Variants in CIB3 observed in about 807,000 individuals in gnomAD.
CIB3 encodes calcium and integrin binding family member 3.
Under a neutral mutation model 23.4 loss-of-function variants are expected in CIB3, and 22 were observed. The ratio of observed to expected loss-of-function variants is 0.94; its 90% CI spans 0.67 to 1.34. The LOEUF (loss-of-function observed/expected upper bound fraction) is 1.34, where lower values mean the gene tolerates loss of function less well. CIB3 is among the 40% of genes most tolerant of loss of function. CIB3 has a pLI of 0.00. For missense variants in CIB3, 258 were observed against 247.3 expected (o/e 1.04, Z -0.29); for synonymous variants, 93 against 95.8 (o/e 0.97, Z 0.17).
At chr19:16,173,082 A>ACACACC in intron 2 of CIB3, 80 bp downstream of exon 2, 1 of 1,545,166 alleles carries the variant, frequency 6.5e-7, no homozygotes, top group Non-Finnish European at 8.9e-7. Flanking sequence ...ACACACACAC[A>ACACACC]CACCAAATTG....
chr19:16,173,023 AAAG>A, intron 2 of CIB3, 136 bp downstream of exon 2: 2 of 1,152,068 alleles, frequency 1.7e-6, no homozygotes, highest in African/African-American at 1.6e-5. Flanking sequence ...AAAGAGAAAG[AAAG>A]AAAGAAAGAC....
At chr19:16,172,962 AAAAGAAGG>A (rs2091334813) in intron 2 of CIB3, among the ~76,000 whole-genome samples, 192 bp downstream of exon 2, 1 of 120,840 alleles carries the variant, frequency 8.3e-6, no homozygotes, top group Non-Finnish European at 2.0e-5. Context: ...AAAAAAAAAG[AAAAGAAGG>A]AAGGAAGGAA....
At chr19:16,172,787 T>C (rs2091333936) in intron 2 of CIB3, among the ~76,000 whole-genome samples, 2 of 151,516 alleles carry the variant, frequency 1.3e-5, no homozygotes, top group African/African-American at 4.8e-5. Flanking sequence ...CCCATCTCTA[T>C]AAAAAAATAC....
intron 3 of CIB3, among the ~76,000 whole-genome samples, chr19:16,168,756 G>T (rs868818299): frequency 6.6e-6 from 1 of 152,072 alleles, no homozygotes; most frequent in Non-Finnish European, 1.5e-5. Context: ...GGGAGGAGCC[G>T]AGATATGGGG....
intron 5 of CIB3, among the ~76,000 whole-genome samples, chr19:16,162,482 C>T (rs554123063): frequency 8.6e-5 from 13 of 151,786 alleles, no homozygotes; most frequent in African/African-American, 2.9e-4. Flanking sequence ...CCGGGCATGA[C>T]GGCTCACGCC....
chr19:16,165,271 C>T (rs574792516), intron 4 of CIB3, among the ~76,000 whole-genome samples: 1 of 112,074 alleles, frequency 8.9e-6, no homozygotes, highest in African/African-American at 3.4e-5. Flanking sequence ...CCAGCCTGGG[C>T]AGCAAGACAG....
chr19:16,173,174 T>C lies in CIB3; in HGVS notation c.74A>G (p.Lys25Arg). ...TCCCTGGACTGACCTCATGATCTCC[T>C]TCCTTGTGAAAAATGTGCAGTCCTG... ...AYQDCTFFTR[K>R]EIMRLFYRYQ... Residue 25 changes from lysine to arginine, a missense_variant, in exon 2 of 6, where the codon AAG (lysine) becomes AGG (arginine). Lys to Arg is a conservative substitution (Grantham distance 26). Coordinates refer to ENST00000269878, the MANE Select transcript of CIB3 (RefSeq NM_054113.4). The C allele has an allele frequency of 6.2e-7, 1 of 1,613,768 alleles. No individual in the cohort carries two copies. Among genetic ancestry groups the C allele is most frequent in the African/African-American group, 1.3e-5 (1 of 74,922 alleles).
At chr19:16,170,337 G>A (rs1285379575) in intron 2 of CIB3, among the ~76,000 whole-genome samples, 1 of 152,170 alleles carries the variant, frequency 6.6e-6, no homozygotes, top group Non-Finnish European at 1.5e-5. Context: ...TTGGTTCTGG[G>A]CTTTGAAGCA....
intron 4 of CIB3, among the ~76,000 whole-genome samples, chr19:16,167,486 G>A (rs1478115365): frequency 6.6e-6 from 1 of 152,074 alleles, no homozygotes; most frequent in South Asian, 2.1e-4. Context: ...ATGGTGGGAT[G>A]GGGGGATGAA....
intron 5 of CIB3, among the ~76,000 whole-genome samples, 164 bp from the exon 6 acceptor site, chr19:16,161,650 C>G (rs2091285338): frequency 6.6e-6 from 1 of 150,698 alleles, no homozygotes; most frequent in Non-Finnish European, 1.5e-5. Context: ...GGGCTGAGAG[C>G]ACATGCCTTT....
intron 5 of CIB3, among the ~76,000 whole-genome samples, chr19:16,161,866 C>A (rs574255573): frequency 6.6e-6 from 1 of 151,552 alleles, no homozygotes; most frequent in East Asian, 1.9e-4. Context: ...TCAGTAGAAA[C>A]GGAGTTTCTC....
chr19:16,168,331 T>C, intron 3 of CIB3, 47 bp from the exon 4 acceptor site: 1 of 1,605,216 alleles, frequency 6.2e-7, no homozygotes, highest in Non-Finnish European at 8.5e-7. Context: ...ACCCCCAAGG[T>C]CTCTGGGGTC....
rs1333768116 is a variant in CIB3 at position 16,173,267 on chromosome 19, C to T, written c.52-71G>A. ...CTCCTCCCACGGCCTCCTCCCTCCA[C>T]CCCACACTCACACAGATGGCCTGAT... On this transcript the variant is annotated intron_variant, in intron 1 of 5. Transcript: ENST00000269878. 9 of 1,608,014 alleles carry T rather than the reference C, an allele frequency of 5.6e-6. No homozygotes were observed. The Middle Eastern group carries it at 6.6e-4, about 118-fold the overall frequency.
At chr19:16,163,167 T>A (rs777226420) in intron 5 of CIB3, among the ~76,000 whole-genome samples, 13 of 151,880 alleles carry the variant, frequency 8.6e-5, no homozygotes, top group Non-Finnish European at 1.8e-4. Context: ...GAAGCTGAGG[T>A]GGGAGGATCT....
rs749791443 is a variant in CIB3 at position 16,173,080 on chromosome 19, A to ACACC, written c.86+81_86+82insGGTG. On this transcript the variant is annotated intron_variant, in intron 2 of 5. Coordinates refer to ENST00000269878, the MANE Select transcript of CIB3 (RefSeq NM_054113.4). The stretch of plus-strand genomic sequence containing the variant: ...CACACACACACACACACACACACAC[A>ACACC]CACACCAAATTGCAAATATCCTCCA... 1.0e-5 allele frequency: 16 copies of ACACC among 1,526,008 alleles called. No individual in the cohort carries two copies. The East Asian group carries it at 3.1e-4, about 30-fold the overall frequency. 94.5% of individuals were successfully genotyped at this position (1,526,008 alleles called of 1,614,324 possible). A position where few individuals can be genotyped will look rare whatever the true frequency, so the allele number is the denominator to read the frequency against.
At chr19:16,173,260 C>G in intron 1 of CIB3, 64 bp from the exon 2 acceptor site, 2 of 1,610,032 alleles carry the variant, frequency 1.2e-6, no homozygotes, top group Admixed American at 1.7e-5. Context: ...ACGGCCTCCT[C>G]CCTCCACCCC....
intron 2 of CIB3, among the ~76,000 whole-genome samples, chr19:16,172,640 A>G (rs770453560): frequency 2.5e-4 from 38 of 151,720 alleles, no homozygotes; most frequent in Admixed American, 3.9e-4. Flanking sequence ...CCCCTTCCCC[A>G]TTTGAGTCCC....
Position 16,164,808 on chromosome 19 carries a change from T to C in CIB3, c.452A>G (p.Lys151Arg). 2 of 1,614,000 alleles carry C rather than the reference T, an allele frequency of 1.2e-6. No individual in the cohort carries two copies. The highest frequency in any genetic ancestry group is 1.7e-6 in the Non-Finnish European group (2 of 1,180,010). ...GTCTCCATCAGCCTCATCCAGCACC[T>C]TCTCACATACCAGGCTCACCTCCTC... Reference protein sequence around the residue: ...SAEEVSLVCEKVLDEADGDHD... With the variant: ...SAEEVSLVCERVLDEADGDHD... Residue 151 changes from lysine (K) to arginine (R), a missense_variant, in exon 5 of 6, where the codon AAG becomes AGG. By Grantham distance (26) the Lys-to-Arg change is conservative. Coordinates refer to ENST00000269878, the MANE Select transcript of CIB3 (RefSeq NM_054113.4).
chr19:16,169,530 A>T (rs542882703), intron 3 of CIB3, 100 bp downstream of exon 3: 10 of 1,072,104 alleles, frequency 9.3e-6, no homozygotes, highest in Non-Finnish European at 1.3e-5. Flanking sequence ...CAGTTTTCTT[A>T]TCTTTAAAAT....
Sources: allele counts gnomAD v4.1 joint callset (sites outside exome capture counted in the v4.1 genomes callset), GRCh38; gene constraint gnomAD v4.1.1; transcripts MANE v1.5; gene names NCBI Gene and HGNC (gene_info 2026-07-23, HGNC 2026-07-21).